Variants in BRD2 observed in about 807,000 individuals in gnomAD.
BRD2 encodes bromodomain containing 2, also known as bromodomain-containing protein 2.
Under a neutral mutation model 79.1 loss-of-function variants are expected in BRD2, and 15 were observed. The ratio of observed to expected loss-of-function variants is 0.19; its 90% confidence interval spans 0.13 to 0.29. BRD2 has a LOEUF of 0.29. Among genes scored for constraint, BRD2 ranks in the 10% least tolerant of loss-of-function variants. The pLI, the probability that BRD2 is intolerant of heterozygous loss-of-function variation, is 1.00. For missense variants in BRD2, 1,053 were observed against 991.3 expected (o/e 1.06, Z -0.84); for synonymous variants, 488 against 358.6 (o/e 1.36, Z -4.08).
chr6:32,970,643 C>T (rs1777858228), intron 1 of BRD2: 1 of 152,018 alleles, frequency 6.6e-6, no homozygotes, highest in African/African-American at 2.4e-5. Context: ...CCCACCAAAG[C>T]CCAGGTTTTC....
chr6:32,977,290 C>T (rs757467174), intron 7 of BRD2, 152 bp from the exon 8 acceptor site: 19 of 1,589,690 alleles, frequency 1.2e-5, no homozygotes, highest in South Asian at 1.1e-5. Flanking sequence ...CACCCAAATT[C>T]CTTTGACTTC....
chr6:32,978,043 G>C (rs956687224), intron 9 of BRD2, 38 bp downstream of exon 9: 12 of 1,602,836 alleles, frequency 7.5e-6, no homozygotes, highest in Non-Finnish European at 1.0e-5. Flanking sequence ...TTGGGTAAGA[G>C]GTTCATGCCC....
chr6:32,980,173 G>C, intron 11 of BRD2, 41 bp downstream of exon 11: 6 of 1,590,842 alleles, frequency 3.8e-6, no homozygotes, highest in Non-Finnish European at 5.1e-6. Context: ...TCTGAGGACA[G>C]TTGAGGAAAG....
chr6:32,973,939 C>T (rs568276844), intron 2 of BRD2, among the ~76,000 whole-genome samples: 1 of 152,030 alleles, frequency 6.6e-6, no homozygotes, highest in Non-Finnish European at 1.5e-5. Flanking sequence ...ACTACCCAGA[C>T]CTTGTGGAAG....
Position 32,971,947 on chromosome 6 carries a change from C to G in BRD2, c.-952C>G, listed in dbSNP as rs1016591471. ...GGCGGGTTGCCACTTCCCTGTGGGT[C>G]TCTGCGGCACTCTTCTGCCTGGTGA... On this transcript the variant is annotated 5_prime_UTR_variant, in exon 2 of 13. Coordinates refer to ENST00000374825, the MANE Select transcript of BRD2 (RefSeq NM_005104.4). 3 of 702,790 alleles carry G rather than the reference C, an allele frequency of 4.3e-6. No individual in the cohort carries two copies. The highest frequency in any genetic ancestry group is 7.8e-6 in the Non-Finnish European group (3 of 385,002). The allele number at this position is 702,790 out of a possible 1,614,324, so 43.5% of individuals were successfully genotyped here.
chr6:32,969,110 T>G (rs2127495222), intron 1 of BRD2, 54 bp downstream of exon 1: 2 of 522,714 alleles, frequency 3.8e-6, no homozygotes, highest in South Asian at 2.5e-5. Flanking sequence ...TAACCAATGG[T>G]GGGGAGTCCG....
In BRD2 at chr6:32,980,109, G is replaced by GT; in HGVS notation, c.2124dup (p.Lys709Ter). 6.2e-7 allele frequency: 1 copy of GT among 1,612,206 alleles called. No individual in the cohort carries two copies. Among genetic ancestry groups the GT allele is most frequent in the Non-Finnish European group, 8.5e-7 (1 of 1,179,890 alleles). Reference sequence around the variant, plus strand: ...GAGCGCTATGTCCTTTCCTGCCTACGTAAGAAACCCCGGAAGCCCTACAGT... The same window carrying GT: ...GAGCGCTATGTCCTTTCCTGCCTACGTTAAGAAACCCCGGAAGCCCTACAGT... On this transcript the variant is annotated frameshift_variant, in exon 11 of 13. Coordinates refer to ENST00000374825, the MANE Select transcript of BRD2 (RefSeq NM_005104.4). LOFTEE classifies it high-confidence loss of function.
rs72865897 is a variant in BRD2, at chr6:32,980,908, C to T, written c.*190C>T. On this transcript the variant is annotated 3_prime_UTR_variant, in exon 13 of 13. Transcript: ENST00000374825. Reference sequence around the variant, plus strand: ...TACTGAAGGAGGGACATGGACAAAACAACATTGAATTCCCAGCCCCATTGG... The same window carrying T: ...TACTGAAGGAGGGACATGGACAAAATAACATTGAATTCCCAGCCCCATTGG... 19,533 of 673,446 alleles carry T rather than the reference C, an allele frequency of 0.029. 359 individuals are homozygous for T. The highest frequency in any genetic ancestry group is 0.042 in the South Asian group (2,193 of 52,430). The allele number at this position is 673,446 out of a possible 1,614,324, so 41.7% of individuals were successfully genotyped here. A position where few individuals can be genotyped will look rare whatever the true frequency, so the allele number is the denominator to read the frequency against.
rs1343053612 is a variant in BRD2 at position 32,976,409 on chromosome 6, C to T, written c.770C>T (p.Ala257Val). 4 of 1,612,522 alleles carry T rather than the reference C, an allele frequency of 2.5e-6. No homozygotes were observed. The highest frequency in any genetic ancestry group is 2.7e-5 in the African/African-American group (2 of 74,914). ...CCACTTCTCAAGTCCTTGCACTCTG[C>T]TGGACCCCCGCTCCTTGCTGTTACT... ...SSPLLKSLHS[A>V]GPPLLAVTAA... The change falls in exon 6 of 13, where the codon GCT becomes GTT. Residue 257 changes from alanine to valine, a missense_variant. Ala to Val is a moderately conservative substitution (Grantham distance 64). Transcript: ENST00000374825.
intron 3 of BRD2, 32 bp from the exon 4 acceptor site, chr6:32,975,352 C>G (rs779071699): frequency 6.4e-7 from 1 of 1,560,392 alleles, no homozygotes; most frequent in South Asian, 1.1e-5. Flanking sequence ...ATTTATTTTT[C>G]TGTGGTTCTG....
At position 32,980,119 on chromosome 6, in the gene BRD2, C is replaced by T. The variant is rs763366042; in HGVS notation, c.2133C>T (p.Pro711=). ...TCCTTTCCTGCCTACGTAAGAAACC[C>T]CGGAAGCCCTACAGTACGTATGAAA... The part of the protein sequence containing the change: ...RYVLSCLRKK[P]RKPYTIKKPV... The change falls in exon 11 of 13, where the codon CCC becomes CCT. Residue 711 remains proline, a synonymous_variant. Transcript: ENST00000374825. The T allele has an allele frequency of 2.1e-5, 34 of 1,611,710 alleles. No individual in the cohort carries two copies. The highest frequency in any genetic ancestry group is 2.6e-5 in the Non-Finnish European group (31 of 1,179,784).
Position 32,980,365 on chromosome 6 carries a change from A to G in BRD2, c.2170A>G (p.Thr724Ala). 6.2e-7 allele frequency: 1 copy of G among 1,613,092 alleles called. No homozygotes were observed. Among genetic ancestry groups the G allele is most frequent in the Non-Finnish European group, 8.5e-7 (1 of 1,180,036 alleles). ...PYTIKKPVGK[T>A]KEELALEKKR... ...AGCCATTAAGAAGCCTGTGGGAAAGACAAAGGAGGAACTGGCTTTGGAGAA... is the reference window on the plus strand; with the variant it reads ...AGCCATTAAGAAGCCTGTGGGAAAGGCAAAGGAGGAACTGGCTTTGGAGAA... The change falls in exon 12 of 13, where the codon ACA (threonine) becomes GCA (alanine). Residue 724 changes from threonine (T) to alanine (A), a missense_variant. Physicochemically the swap from Thr to Ala is moderately conservative, Grantham distance 58. Around this residue, in one of 5 missense-constraint regions of BRD2, gnomAD observed 139 missense variants for 133.2 expected, o/e 1.04. Coordinates refer to ENST00000374825, the MANE Select transcript of BRD2 (RefSeq NM_005104.4).
Position 32,972,221 on chromosome 6 carries a change from A to G in BRD2, c.-678A>G. On this transcript the variant is annotated 5_prime_UTR_variant, in exon 2 of 13. Transcript: ENST00000374825. ...GCGCCATTTCGTGCTGGAGTGGAGCAGCCTCTAGAACGAGCTGGAGGATTC... is the reference window on the plus strand; with the variant it reads ...GCGCCATTTCGTGCTGGAGTGGAGCGGCCTCTAGAACGAGCTGGAGGATTC... 1 of 515,914 alleles carries G rather than the reference A, an allele frequency of 1.9e-6. No homozygotes were observed. 32.0% of individuals were successfully genotyped at this position (515,914 alleles called of 1,614,324 possible). A position where few individuals can be genotyped will look rare whatever the true frequency, so the allele number is the denominator to read the frequency against.
Position 32,972,836 on chromosome 6 carries a change from A to C in BRD2, c.-63A>C. On this transcript the variant is annotated 5_prime_UTR_variant, in exon 2 of 13. Transcript: ENST00000374825. ...GCGGGTTATGCTGGACCGGGCGGTG[A>C]GGGGAACCGAGGCCACCCGGACTTT... The C allele has an allele frequency of 6.2e-7, 1 of 1,612,378 alleles. No homozygotes were observed. Among genetic ancestry groups the C allele is most frequent in the Non-Finnish European group, 8.5e-7 (1 of 1,179,374 alleles).
At position 32,977,789 on chromosome 6, in the gene BRD2, A is replaced by G. The variant is rs745657211; in HGVS notation, c.1362A>G (p.Pro454=). Residue 454 remains proline, a synonymous_variant, in exon 9 of 13, where the codon CCA becomes CCG. Transcript: ENST00000374825. ...TTGAGTTCCGTTATGCCAAGATGCC[A>G]GATGAACCACTAGAACCAGGGCCTT... ...DVFEFRYAKM[P]DEPLEPGPLP... is the part of the protein sequence containing the mutation. 6.2e-7 allele frequency: 1 copy of G among 1,613,140 alleles called. No individual in the cohort carries two copies. Among genetic ancestry groups the G allele is most frequent in the Non-Finnish European group, 8.5e-7 (1 of 1,180,042 alleles).
rs946125507 is a variant in BRD2 at position 32,972,497 on chromosome 6, C to A, written c.-402C>A. Reference sequence around the variant, plus strand: ...CCCTAAACCACTTTTCGTGTTCATCCGCCTCCATCCGAGATCGAAACGGGA... The same window carrying A: ...CCCTAAACCACTTTTCGTGTTCATCAGCCTCCATCCGAGATCGAAACGGGA... On this transcript the variant is annotated 5_prime_UTR_variant, in exon 2 of 13. Transcript: ENST00000374825. 2.8e-5 allele frequency: 9 copies of A among 320,170 alleles called. No homozygotes were observed. The highest frequency in any genetic ancestry group is 1.9e-4 in the South Asian group (5 of 26,376). The allele number at this position is 320,170 out of a possible 1,614,324, so 19.8% of individuals were successfully genotyped here.
rs752621800 is a variant in BRD2 at position 32,974,689 on chromosome 6, T to C, written c.257T>C (p.Val86Ala). 1 of 1,614,060 alleles carries C rather than the reference T, an allele frequency of 6.2e-7. No homozygotes were observed. Among genetic ancestry groups the C allele is most frequent in the African/African-American group, 1.3e-5 (1 of 74,926 alleles). The change falls in exon 3 of 13, where the codon GTG (valine) becomes GCG (alanine). Residue 86 changes from valine (V) to alanine (A), a missense_variant. Physicochemically the swap from Val to Ala is moderately conservative, Grantham distance 64. Around this residue, in one of 5 missense-constraint regions of BRD2, gnomAD observed 413 missense variants for 335.1 expected, o/e 1.23. Coordinates refer to ENST00000374825, the MANE Select transcript of BRD2 (RefSeq NM_005104.4). ...TNQLQYLHKV[V>A]MKALWKHQFA... ...CAGCTGCAATACCTACACAAGGTAG[T>C]GATGAAGGCTCTGTGGAAACATCAG...
chr6:32,976,859 C>T lies in BRD2; in HGVS notation c.1123C>T (p.Pro375Ser). ...HAAYAWPFYK[P>S]VDASALGLHD... Reference sequence around the variant, plus strand: ...TGCCTATGCTTGGCCTTTCTATAAACCAGTGGATGCTTCTGCACTTGGCCT... The same window carrying T: ...TGCCTATGCTTGGCCTTTCTATAAATCAGTGGATGCTTCTGCACTTGGCCT... The change falls in exon 7 of 13, where the codon CCA becomes TCA. Residue 375 changes from proline to serine, a missense_variant. Coordinates refer to ENST00000374825, the MANE Select transcript of BRD2 (RefSeq NM_005104.4). The T allele has an allele frequency of 1.2e-6, 2 of 1,613,152 alleles. No homozygotes were observed. Among genetic ancestry groups the T allele is most frequent in the Non-Finnish European group, 1.7e-6 (2 of 1,180,038 alleles).
chr6:32,975,568 C>T (rs485502), intron 4 of BRD2, 47 bp downstream of exon 4: 779,234 of 1,594,480 alleles, frequency 0.49, 193,209 homozygotes, highest in African/African-American at 0.53. Context: ...GAAACAGTAA[C>T]TTCTATTATT....
Sources: gnomAD v4.1 joint callset for allele counts (sites outside exome capture counted in the v4.1 genomes callset) on GRCh38, gnomAD v4.1.1 for gene constraint, gnomAD v4.1.1 regional missense constraint, MANE v1.5 for transcripts, NCBI Gene and HGNC (gene_info 2026-07-23, HGNC 2026-07-21) for gene names.